Variants in UNC13A observed in about 807,000 individuals in gnomAD.
The protein encoded by UNC13A is unc-13 homolog A, also known as protein unc-13 homolog A.
Under a neutral mutation model 219.7 loss-of-function variants are expected in UNC13A, and 61 were observed. The observed-to-expected ratio is 0.28, with a 90% CI of 0.23 to 0.34. The LOEUF is 0.34. Among genes scored for constraint, UNC13A ranks in the 10% least tolerant of loss-of-function variants. The pLI, the probability that UNC13A is intolerant of heterozygous loss-of-function variation, is 1.00. For missense variants in UNC13A, 1,476 were observed against 2,270.3 expected (o/e 0.65, Z 7.11); for synonymous variants, 920 against 884.6 (o/e 1.04, Z -0.71).
intron 7 of UNC13A, among the ~76,000 whole-genome samples, chr19:17,665,734 C>T (rs192435002): frequency 5.1e-4 from 77 of 152,318 alleles, no homozygotes; most frequent in African/African-American, 1.8e-3. Flanking sequence ...CACCATCTGA[C>T]GTGGGCTGCT....
At chr19:17,662,919 CA>C (rs35777969) in intron 8 of UNC13A, among the ~76,000 whole-genome samples, 428 of 74,172 alleles carry the variant, frequency 5.8e-3, no homozygotes, top group African/African-American at 0.014. Context: ...GACTCCGTCT[CA>C]AAAAAAAAAA....
chr19:17,668,957 G>C (rs1258867171), intron 5 of UNC13A, among the ~76,000 whole-genome samples: 1 of 151,998 alleles, frequency 6.6e-6, no homozygotes, highest in African/African-American at 2.4e-5. Context: ...CACCATGCCT[G>C]GTGAATTTTT....
Position 17,621,821 on chromosome 19 carries a change from G to A in UNC13A, c.4242+11C>T. On this transcript the variant is annotated intron_variant, in intron 37 of 43. Coordinates refer to ENST00000519716, the MANE Select transcript of UNC13A (RefSeq NM_001080421.3). ...GAGCTCAGGGCCTCAGTGAGACGAG[G>A]CCCTCATTACCTTTTCTAATCCCTT... 6.2e-7 allele frequency: 1 copy of A among 1,613,822 alleles called. No homozygotes were observed. Among genetic ancestry groups the A allele is most frequent in the African/African-American group, 1.3e-5 (1 of 75,048 alleles).
chr19:17,683,597 T>G (rs1353948881), intron 1 of UNC13A, among the ~76,000 whole-genome samples: 103 of 148,434 alleles, frequency 6.9e-4, no homozygotes, highest in African/African-American at 2.5e-3. Flanking sequence ...GGTGGAGGTT[T>G]CAGTGAACCG....
chr19:17,625,679 A>T (rs1425137706), intron 34 of UNC13A, among the ~76,000 whole-genome samples: 1 of 151,848 alleles, frequency 6.6e-6, no homozygotes, highest in East Asian at 1.9e-4. Context: ...CCATCCAAAT[A>T]TTTCTCACCT....
At chr19:17,666,623 C>A in intron 7 of UNC13A, 27 bp downstream of exon 7, 1 of 1,460,876 alleles carries the variant, frequency 6.8e-7, no homozygotes, top group Admixed American at 2.3e-5. Context: ...TCAGCTGATA[C>A]CCAAGGAAGA....
intron 9 of UNC13A, among the ~76,000 whole-genome samples, chr19:17,656,900 G>A (rs2079467421): frequency 6.6e-6 from 1 of 151,398 alleles, no homozygotes; most frequent in South Asian, 2.1e-4. Context: ...TGGCATTTGC[G>A]GTCTGTGGGG....
At chr19:17,679,326 G>A (rs1049399871) in intron 1 of UNC13A, among the ~76,000 whole-genome samples, 4 of 151,988 alleles carry the variant, frequency 2.6e-5, no homozygotes, top group African/African-American at 4.8e-5. Context: ...CTTGAACCCA[G>A]GAGGCGGAGG....
At chr19:17,662,843 C>T (rs985067162) in intron 8 of UNC13A, among the ~76,000 whole-genome samples, 1 of 151,774 alleles carries the variant, frequency 6.6e-6, no homozygotes, top group African/African-American at 2.4e-5. Flanking sequence ...TGGCGTGAAC[C>T]CTGGAGGCAG....
chr19:17,633,251 G>C lies in UNC13A; in HGVS notation c.3216-58C>G. On this transcript the variant is annotated intron_variant, in intron 26 of 43. Coordinates refer to ENST00000519716, the MANE Select transcript of UNC13A (RefSeq NM_001080421.3). ...AGGCAGAAGGCAGATGGGATGGGCT[G>C]CTTTGTCCTTCCCTGCCCCACAGAG... The C allele has an allele frequency of 2.6e-6, 4 of 1,513,864 alleles. No individual in the cohort carries two copies. In the Admixed American group the frequency reaches 6.8e-5, roughly 26 times the overall value. 93.8% of individuals were successfully genotyped at this position (1,513,864 alleles called of 1,614,324 possible). A position where few individuals can be genotyped will look rare whatever the true frequency, so the allele number is the denominator to read the frequency against.
chr19:17,685,835 A>T (rs2080098122), intron 1 of UNC13A, among the ~76,000 whole-genome samples: 1 of 151,616 alleles, frequency 6.6e-6, no homozygotes, highest in South Asian at 2.1e-4. Context: ...GGGAGGGGGG[A>T]CAGGTATTTC....
At chr19:17,626,865 T>A in intron 33 of UNC13A, 80 bp from the exon 34 acceptor site, 1 of 1,501,416 alleles carries the variant, frequency 6.7e-7, no homozygotes, top group Non-Finnish European at 8.9e-7. Context: ...GTCCTTGAGG[T>A]CATATCATTT....
At chr19:17,624,990 C>CTGA in intron 34 of UNC13A, 38 bp from the exon 35 acceptor site, 1 of 1,596,422 alleles carries the variant, frequency 6.3e-7, no homozygotes, top group South Asian at 1.1e-5. Flanking sequence ...GGGCCCAGCT[C>CTGA]GCCCCCACCC....
intron 43 of UNC13A, among the ~76,000 whole-genome samples, chr19:17,607,619 G>A (rs1206358506): frequency 8.5e-6 from 1 of 117,924 alleles, no homozygotes; most frequent in East Asian, 2.7e-4. Flanking sequence ...TCGCTATGTC[G>A]GTCACCCAGG....
At chr19:17,685,707 C>G (rs1455950601) in intron 1 of UNC13A, among the ~76,000 whole-genome samples, 1 of 152,168 alleles carries the variant, frequency 6.6e-6, no homozygotes, top group African/African-American at 2.4e-5. Flanking sequence ...ATGTGCCTTC[C>G]CAGGCACATG....
chr19:17,630,455 C>G (rs2076831025), intron 29 of UNC13A, among the ~76,000 whole-genome samples, 167 bp from the exon 30 acceptor site: 1 of 152,120 alleles, frequency 6.6e-6, no homozygotes. Context: ...GACGCAGAAG[C>G]CATGGGGTGC....
At chr19:17,641,022 G>A (rs115723948) in intron 21 of UNC13A, among the ~76,000 whole-genome samples, 8,783 of 151,688 alleles carry the variant, frequency 0.058, 270 homozygotes, top group Non-Finnish European at 0.073. Context: ...GGGATTACAG[G>A]CCCAAGCCAC....
chr19:17,666,520 C>A, intron 7 of UNC13A, 130 bp downstream of exon 7: 1 of 625,202 alleles, frequency 1.6e-6, no homozygotes, highest in South Asian at 5.3e-5. Flanking sequence ...TTCTAATACA[C>A]TGTAAGTGGA....
At chr19:17,609,394 G>A (rs2076577627) in intron 43 of UNC13A, among the ~76,000 whole-genome samples, 1 of 151,312 alleles carries the variant, frequency 6.6e-6, no homozygotes, top group South Asian at 2.1e-4. Context: ...TCCACCCCAC[G>A]TGACACCCAC....
Sources: gnomAD v4.1 joint callset for allele counts (sites outside exome capture counted in the v4.1 genomes callset) on GRCh38, gnomAD v4.1.1 for gene constraint, MANE v1.5 for transcripts, NCBI Gene and HGNC (gene_info 2026-07-23, HGNC 2026-07-21) for gene names.